Variants in FNDC3B observed in about 807,000 individuals in gnomAD.
The protein encoded by FNDC3B is fibronectin type III domain containing 3B, also known as fibronectin type III domain-containing protein 3B.
FNDC3B carries 12 observed loss-of-function variants against 151.5 expected under a neutral mutation model. The observed-to-expected ratio is 0.08, with a 90% confidence interval of 0.05 to 0.13. The LOEUF (loss-of-function observed/expected upper bound fraction) is 0.13, where lower values mean the gene tolerates loss of function less well. Among genes scored for constraint, FNDC3B ranks in the 10% least tolerant of loss-of-function variants. The pLI, the probability that FNDC3B is intolerant of heterozygous loss-of-function variation, is 1.00. For synonymous variants in FNDC3B, 528 were observed against 549.0 expected, an observed-to-expected ratio of 0.96 and a Z score of 0.54; for missense variants, 1,214 against 1,505.3, an observed-to-expected ratio of 0.81 and a Z score of 3.20.
chr3:172,326,069 A>C (rs1363822579), intron 11 of FNDC3B, among the ~76,000 whole-genome samples: 2 of 151,770 alleles, frequency 1.3e-5, no homozygotes, highest in Non-Finnish European at 2.9e-5. Context: ...CAAGTGATCC[A>C]CCTCCCTCAG....
intron 23 of FNDC3B, among the ~76,000 whole-genome samples, chr3:172,374,093 G>A (rs1735007332): frequency 6.6e-6 from 1 of 152,168 alleles, no homozygotes; most frequent in Admixed American, 6.5e-5. Flanking sequence ...CCAAGGAAGC[G>A]TCTCTGCCTG....
At chr3:172,236,192 A>G (rs1203858667) in intron 4 of FNDC3B, among the ~76,000 whole-genome samples, 1 of 152,214 alleles carries the variant, frequency 6.6e-6, no homozygotes, top group African/African-American at 2.4e-5. Context: ...TATGTGCCAC[A>G]CATTTGTTTG....
At chr3:172,098,998 C>T (rs554747273) in intron 1 of FNDC3B, among the ~76,000 whole-genome samples, 1 of 152,202 alleles carries the variant, frequency 6.6e-6, no homozygotes, top group African/African-American at 2.4e-5. Context: ...AATACACATT[C>T]CACTCAGGGT....
intron 7 of FNDC3B, among the ~76,000 whole-genome samples, chr3:172,291,353 G>A (rs899688445): frequency 6.6e-6 from 1 of 152,160 alleles, no homozygotes; most frequent in African/African-American, 2.4e-5. Flanking sequence ...AAGCAGTTTA[G>A]TTTAAATAAT....
chr3:172,135,535 G>A (rs1576897196), intron 3 of FNDC3B, among the ~76,000 whole-genome samples: 1 of 152,242 alleles, frequency 6.6e-6, no homozygotes, highest in Non-Finnish European at 1.5e-5. Context: ...CTCCCTCCAG[G>A]CTTCCTATTC....
intron 1 of FNDC3B, among the ~76,000 whole-genome samples, chr3:172,109,205 A>G (rs1489869718): frequency 1.0e-3 from 131 of 131,628 alleles, no homozygotes; most frequent in Non-Finnish European, 1.6e-3. Context: ...TTGCTCTGTC[A>G]CCCAGGCTGG....
intron 5 of FNDC3B, 62 bp downstream of exon 5, chr3:172,247,838 A>G: frequency 1.3e-6 from 2 of 1,568,132 alleles, no homozygotes; most frequent in South Asian, 2.2e-5. Flanking sequence ...TCAATAGTTC[A>G]AGGCGGTCCT....
intron 1 of FNDC3B, among the ~76,000 whole-genome samples, chr3:172,096,674 A>C (rs1209701227): frequency 6.6e-6 from 1 of 152,204 alleles, no homozygotes; most frequent in Non-Finnish European, 1.5e-5. Flanking sequence ...CCTTACTGTA[A>C]ATTTCAAATA....
chr3:172,251,392 AC>A lies in FNDC3B; in HGVS notation c.642del (p.Tyr214Ter). Reference protein sequence around the residue: ...NRLNSPPSSIYKSSCTTVYNG... With the variant: ...NRLNSPPSSIXKSSCTTVYNG... ...CTCAACAGCCCTCCTTCTTCTATCTACAAAAGCAGCTGCACAACAGTATACA... is the reference window on the plus strand; with the variant it reads ...CTCAACAGCCCTCCTTCTTCTATCTAAAAAGCAGCTGCACAACAGTATACA... On this transcript the variant is annotated frameshift_variant, in exon 6 of 26. Transcript: ENST00000415807. LOFTEE classifies it high-confidence loss of function. The A allele has an allele frequency of 6.2e-7, 1 of 1,614,078 alleles. No homozygotes were observed. The highest frequency in any genetic ancestry group is 8.5e-7 in the Non-Finnish European group (1 of 1,179,990).
intron 6 of FNDC3B, among the ~76,000 whole-genome samples, chr3:172,274,083 G>A (rs1364242787): frequency 1.3e-5 from 2 of 152,098 alleles, no homozygotes; most frequent in South Asian, 2.1e-4. Context: ...CTATACGTGC[G>A]GGAGAAGAGG....
At chr3:172,191,568 C>T (rs1724508728) in intron 3 of FNDC3B, among the ~76,000 whole-genome samples, 1 of 152,134 alleles carries the variant, frequency 6.6e-6, no homozygotes, top group African/African-American at 2.4e-5. Context: ...GTGATGATGG[C>T]TCACTGCAGC....
At chr3:172,132,232 A>C (rs888411550) in intron 2 of FNDC3B, among the ~76,000 whole-genome samples, 1 of 152,182 alleles carries the variant, frequency 6.6e-6, no homozygotes, top group African/African-American at 2.4e-5. Context: ...GAAGAGTATC[A>C]CAGACAGAGG....
intron 3 of FNDC3B, 154 bp downstream of exon 3, chr3:172,133,700 T>C (rs1559981686): frequency 2.8e-6 from 2 of 710,534 alleles, no homozygotes; most frequent in Non-Finnish European, 5.1e-6. Context: ...TGGTCTCAAA[T>C]ATATATTATG....
chr3:172,147,420 T>G (rs1412563558), intron 3 of FNDC3B, among the ~76,000 whole-genome samples: 1 of 152,204 alleles, frequency 6.6e-6, no homozygotes, highest in East Asian at 1.9e-4. Context: ...ATGAAATGAT[T>G]GGACTGGGAC....
chr3:172,128,261 C>G (rs1258975430), intron 2 of FNDC3B, among the ~76,000 whole-genome samples: 1 of 152,212 alleles, frequency 6.6e-6, no homozygotes, highest in African/African-American at 2.4e-5. Flanking sequence ...AGGCAATGGA[C>G]ACATTCACAT....
intron 1 of FNDC3B, among the ~76,000 whole-genome samples, chr3:172,092,245 G>A (rs1428603550): frequency 1.3e-5 from 2 of 152,136 alleles, no homozygotes; most frequent in Non-Finnish European, 2.9e-5. Context: ...TGGAGATCCA[G>A]GAAGAGATTC....
At chr3:172,380,304 C>T (rs958501861) in intron 24 of FNDC3B, among the ~76,000 whole-genome samples, 17 of 151,840 alleles carry the variant, frequency 1.1e-4, no homozygotes, top group Non-Finnish European at 2.1e-4. Context: ...TTTTAAGTGC[C>T]TTACTGCAGA....
At chr3:172,207,924 G>A (rs1725514356) in intron 3 of FNDC3B, among the ~76,000 whole-genome samples, 3 of 152,132 alleles carry the variant, frequency 2.0e-5, no homozygotes. Context: ...TCCGGCCTGG[G>A]CAACAAGAGC....
At chr3:172,134,556 TC>T (rs1721267291) in intron 3 of FNDC3B, among the ~76,000 whole-genome samples, 1 of 152,084 alleles carries the variant, frequency 6.6e-6, no homozygotes, top group Non-Finnish European at 1.5e-5. Context: ...AGTTTCGGTT[TC>T]CCATAATAAG....
Sources: allele counts gnomAD v4.1 joint callset (sites outside exome capture counted in the v4.1 genomes callset), GRCh38; gene constraint gnomAD v4.1.1; transcripts MANE v1.5; gene names NCBI Gene and HGNC (gene_info 2026-07-23, HGNC 2026-07-21).